The following BNC2 variants were observed in gnomAD, a reference collection of about 807,000 sequenced individuals.
The protein encoded by BNC2 is zinc finger protein basonuclin-2.
Under a neutral mutation model 76.3 loss-of-function variants are expected in BNC2, and 20 were observed. The observed-to-expected ratio is 0.26, with a 90% CI of 0.18 to 0.38. The LOEUF is 0.38. Ranked by LOEUF, BNC2 falls within the 10% of genes least tolerant of loss-of-function variation. BNC2 has a pLI of 1.00. For synonymous variants in BNC2, 582 were observed against 514.8 expected (o/e 1.13, Z -1.77); for missense variants, 1,382 against 1,399.8 (o/e 0.99, Z 0.20).
At chr9:16,676,257 C>G (rs1286197302) in intron 3 of BNC2, among the ~76,000 whole-genome samples, 1 of 152,086 alleles carries the variant, frequency 6.6e-6, no homozygotes, top group African/African-American at 2.4e-5. Context: ...AATATTTGAA[C>G]AGAACATCAC....
chr9:16,477,412 A>G (rs1410245675), intron 5 of BNC2, among the ~76,000 whole-genome samples: 1 of 152,234 alleles, frequency 6.6e-6, no homozygotes, highest in African/African-American at 2.4e-5. Context: ...TAACAAATCA[A>G]GATTTTAAAA....
At chr9:16,798,655 T>C (rs1332420947) in intron 1 of BNC2, among the ~76,000 whole-genome samples, 1 of 152,182 alleles carries the variant, frequency 6.6e-6, no homozygotes, top group Non-Finnish European at 1.5e-5. Flanking sequence ...CCAAGTGCCA[T>C]TCAGACAGCA....
At chr9:16,654,070 C>T (rs1440442328) in intron 3 of BNC2, among the ~76,000 whole-genome samples, 2 of 152,128 alleles carry the variant, frequency 1.3e-5, no homozygotes, top group African/African-American at 2.4e-5. Context: ...GTGATCTGGG[C>T]TTTAACAAAG....
intron 3 of BNC2, among the ~76,000 whole-genome samples, chr9:16,654,094 A>C (rs1355267612): frequency 1.3e-5 from 2 of 152,176 alleles, no homozygotes; most frequent in Non-Finnish European, 1.5e-5. Context: ...CAGAGGGACA[A>C]AGTGCAGGCA....
chr9:16,603,690 A>G (rs1459718674), intron 3 of BNC2, among the ~76,000 whole-genome samples: 1 of 152,246 alleles, frequency 6.6e-6, no homozygotes, highest in Non-Finnish European at 1.5e-5. Flanking sequence ...AAATCTGGCA[A>G]TAACTTAAAA....
chr9:16,585,923 A>G (rs1359046206), intron 3 of BNC2, among the ~76,000 whole-genome samples: 3 of 152,010 alleles, frequency 2.0e-5, no homozygotes, highest in Admixed American at 2.0e-4. Context: ...ACACACTTTG[A>G]AAATGCAGGT....
chr9:16,462,766 T>C (rs1417554545), intron 5 of BNC2, among the ~76,000 whole-genome samples: 3 of 152,176 alleles, frequency 2.0e-5, no homozygotes, highest in Admixed American at 6.5e-5. Flanking sequence ...GGTCTTCACA[T>C]TGTCCTCCTT....
intron 1 of BNC2, among the ~76,000 whole-genome samples, chr9:16,845,393 G>A (rs897099742): frequency 6.6e-6 from 1 of 152,070 alleles, no homozygotes; most frequent in African/African-American, 2.4e-5. Flanking sequence ...CATAATATAC[G>A]CATTAGAAAG....
chr9:16,665,678 T>A (rs1321689007), intron 3 of BNC2, among the ~76,000 whole-genome samples: 1 of 152,170 alleles, frequency 6.6e-6, no homozygotes, highest in Non-Finnish European at 1.5e-5. Flanking sequence ...AAATGCATAA[T>A]GCAAGTTAAT....
Position 16,614,790 on chromosome 9 carries a change from A to T in BNC2, c.331-31705T>A, listed in dbSNP as rs867765565. 9.9e-5 allele frequency among the ~76,000 whole-genome samples: 15 copies of T among 151,888 alleles called. No individual in the cohort carries two copies. In the East Asian group the frequency reaches 2.5e-3, roughly 26 times the overall value. On this transcript the variant is annotated intron_variant, in intron 3 of 6. Transcript: ENST00000380672. ...AGGGAAGCCCTGTCTCTACAAAAAA[A>T]TAAAAATAAAAATAAAATAGCTGGG...
chr9:16,721,498 T>C (rs1824156935), intron 3 of BNC2, among the ~76,000 whole-genome samples: 1 of 152,042 alleles, frequency 6.6e-6, no homozygotes, highest in East Asian at 1.9e-4. Flanking sequence ...GTGAGATCCA[T>C]CACTTCCTAG....
intron 5 of BNC2, among the ~76,000 whole-genome samples, chr9:16,514,546 G>A (rs756608385): frequency 2.4e-4 from 36 of 152,082 alleles, no homozygotes; most frequent in Non-Finnish European, 4.7e-4. Context: ...TTCTGAAAAA[G>A]CAGCTCTGTA....
At chr9:16,678,358 AGC>A (rs1822721521) in intron 3 of BNC2, among the ~76,000 whole-genome samples, 1 of 129,156 alleles carries the variant, frequency 7.7e-6, no homozygotes, top group Non-Finnish European at 1.5e-5. Flanking sequence ...GGCTCACTGC[AGC>A]CTCTGCCTCC....
chr9:16,743,911 G>C (rs754031115), intron 1 of BNC2, among the ~76,000 whole-genome samples: 7 of 152,062 alleles, frequency 4.6e-5, no homozygotes, highest in Non-Finnish European at 8.8e-5. Flanking sequence ...ACTATTCTCG[G>C]TTTTTTTCCC....
At chr9:16,796,534 T>C (rs530165991) in intron 1 of BNC2, among the ~76,000 whole-genome samples, 1 of 138,308 alleles carries the variant, frequency 7.2e-6, no homozygotes, top group East Asian at 2.1e-4. Context: ...ATCACGTCAA[T>C]GCACTCCAGC....
At chr9:16,669,519 C>G in intron 3 of BNC2, among the ~76,000 whole-genome samples, 1 of 152,212 alleles carries the variant, frequency 6.6e-6, no homozygotes, top group Non-Finnish European at 1.5e-5. Context: ...TAGACAGCAA[C>G]TTCCAATTGG....
intron 1 of BNC2, among the ~76,000 whole-genome samples, chr9:16,822,669 T>A (rs1818366532): frequency 1.3e-5 from 2 of 152,196 alleles, no homozygotes; most frequent in Non-Finnish European, 2.9e-5. Flanking sequence ...ACGTGTCAAA[T>A]GCAATAAAGC....
At chr9:16,743,400 TACCCCTCTGAA>T (rs1824907289) in intron 1 of BNC2, among the ~76,000 whole-genome samples, 1 of 152,244 alleles carries the variant, frequency 6.6e-6, no homozygotes, top group Admixed American at 6.5e-5. Flanking sequence ...TTCCTGGTTC[TACCCCTCTGAA>T]AGAGGACCTT....
intron 3 of BNC2, among the ~76,000 whole-genome samples, chr9:16,669,746 T>TAC (rs1200741110): frequency 7.2e-5 from 11 of 152,204 alleles, no homozygotes; most frequent in African/African-American, 2.7e-4. Context: ...CTATAAGCAG[T>TAC]ACATATTTCT....
Sources: gnomAD v4.1 joint callset for allele counts (sites outside exome capture counted in the v4.1 genomes callset) on GRCh38, gnomAD v4.1.1 for gene constraint, MANE v1.5 for transcripts, NCBI Gene and HGNC (gene_info 2026-07-23, HGNC 2026-07-21) for gene names.